Variants in COG5 observed in about 807,000 individuals in gnomAD.
The protein encoded by COG5 is conserved oligomeric Golgi complex subunit 5.
Under a neutral mutation model 110.4 loss-of-function variants are expected in COG5, and 86 were observed. That is an observed-to-expected ratio of 0.78 (90% CI 0.65 to 0.93). The LOEUF (loss-of-function observed/expected upper bound fraction) is 0.93. Ranked by LOEUF, COG5 falls within the 40% of genes least tolerant of loss-of-function variation. The probability of loss-of-function intolerance (pLI) is 0.00; values close to 1 mark genes in which losing one functional copy is unlikely to be tolerated. For missense variants in COG5, 1,077 were observed against 987.0 expected (o/e 1.09, Z -1.22); for synonymous variants, 360 against 334.6 (o/e 1.08, Z -0.83).
chr7:107,467,460 G>A (rs573372566), intron 6 of COG5, among the ~76,000 whole-genome samples: 88 of 152,208 alleles, frequency 5.8e-4, no homozygotes, highest in African/African-American at 1.9e-3. Context: ...AGGTTCAAGC[G>A]ATTCTCATTC....
intron 17 of COG5, among the ~76,000 whole-genome samples, chr7:107,243,656 T>C (rs779688175): frequency 2.6e-5 from 4 of 151,900 alleles, no homozygotes; most frequent in Admixed American, 6.6e-5. Context: ...AAATGCAACA[T>C]TGGACCAAAT....
At chr7:107,327,532 G>T (rs989552709) in intron 10 of COG5, among the ~76,000 whole-genome samples, 1 of 152,076 alleles carries the variant, frequency 6.6e-6, no homozygotes, top group East Asian at 1.9e-4. Context: ...GAAAACATTT[G>T]CTAACCATAT....
At chr7:107,275,705 G>C (rs1804652119) in intron 14 of COG5, among the ~76,000 whole-genome samples, 1 of 151,812 alleles carries the variant, frequency 6.6e-6, no homozygotes, top group Non-Finnish European at 1.5e-5. Flanking sequence ...TGTACTTTTA[G>C]TAGAGATGAG....
At chr7:107,232,298 T>C (rs767804599) in intron 18 of COG5, among the ~76,000 whole-genome samples, 2 of 152,206 alleles carry the variant, frequency 1.3e-5, no homozygotes, top group African/African-American at 4.8e-5. Flanking sequence ...ATTCACTGGG[T>C]AGGAATTTCT....
intron 10 of COG5, among the ~76,000 whole-genome samples, chr7:107,338,873 G>C (rs1810935195): frequency 6.6e-6 from 1 of 152,034 alleles, no homozygotes; most frequent in African/African-American, 2.4e-5. Context: ...ATCCTTAAGG[G>C]AGTTCTAACC....
intron 5 of COG5, among the ~76,000 whole-genome samples, chr7:107,528,733 T>C (rs1002101900): frequency 5.9e-5 from 9 of 152,124 alleles, no homozygotes; most frequent in Non-Finnish European, 1.2e-4. Context: ...ACATCTCCCC[T>C]GTTTAAGGAG....
At chr7:107,352,616 G>GGATGTCCTAAATTTC (rs1812263112) in intron 10 of COG5, among the ~76,000 whole-genome samples, 1 of 150,972 alleles carries the variant, frequency 6.6e-6, no homozygotes, top group Admixed American at 6.6e-5. Flanking sequence ...TCATAATATT[G>GGATGTCCTAAATTTC]AAAAGATTTC....
chr7:107,333,424 A>C (rs1470942054), intron 10 of COG5, among the ~76,000 whole-genome samples: 2 of 152,178 alleles, frequency 1.3e-5, no homozygotes. Context: ...CACACACTAC[A>C]GAGCAAAATA....
chr7:107,359,320 C>T (rs902644585), intron 10 of COG5, among the ~76,000 whole-genome samples: 1 of 152,210 alleles, frequency 6.6e-6, no homozygotes, highest in Non-Finnish European at 1.5e-5. Flanking sequence ...CAGGGCAGCA[C>T]ACCAGCCCTC....
chr7:107,547,732 C>T (rs1001381374), intron 5 of COG5, among the ~76,000 whole-genome samples: 1 of 151,812 alleles, frequency 6.6e-6, no homozygotes, highest in Non-Finnish European at 1.5e-5. Context: ...TATACACTAA[C>T]AATGAACTAT....
intron 1 of COG5, among the ~76,000 whole-genome samples, chr7:107,559,421 G>A (rs757647441): frequency 1.3e-4 from 20 of 152,120 alleles, no homozygotes; most frequent in Non-Finnish European, 2.6e-4. Flanking sequence ...ACAAAATAGA[G>A]TACTTTTAAG....
chr7:107,303,780 T>C (rs1024377966), intron 11 of COG5, among the ~76,000 whole-genome samples: 1 of 152,166 alleles, frequency 6.6e-6, no homozygotes, highest in Non-Finnish European at 1.5e-5. Context: ...TATGTAGTTA[T>C]AAAGTGTTCA....
chr7:107,417,841 C>T (rs556063326), intron 6 of COG5, among the ~76,000 whole-genome samples: 8 of 152,058 alleles, frequency 5.3e-5, no homozygotes, highest in Admixed American at 2.0e-4. Flanking sequence ...ATTTTTGCTC[C>T]CTTTTTGTCT....
intron 6 of COG5, among the ~76,000 whole-genome samples, chr7:107,423,535 G>C (rs1257567976): frequency 2.0e-5 from 3 of 151,952 alleles, no homozygotes; most frequent in African/African-American, 7.3e-5. Flanking sequence ...CAATGAGAGA[G>C]GGAACATTTC....
At position 107,480,455 on chromosome 7, in the gene COG5, T is replaced by C. The variant is rs535585235; in HGVS notation, c.538+46782A>G. 5.3e-5 allele frequency among the ~76,000 whole-genome samples: 8 copies of C among 152,118 alleles called. No homozygotes were observed. The East Asian group carries it at 1.5e-3, about 29-fold the overall frequency. ...AGAAAGTTAAAAATGAGTTGACCAA[T>C]AATAAATGTTAGAAATTTTAAAAGT... On this transcript the variant is annotated intron_variant, in intron 6 of 21. Transcript: ENST00000297135.
intron 11 of COG5, among the ~76,000 whole-genome samples, chr7:107,302,449 T>C (rs145894988): frequency 6.6e-6 from 1 of 152,302 alleles, no homozygotes; most frequent in African/African-American, 2.4e-5. Context: ...CACTGATTGA[T>C]TATTGTGATG....
chr7:107,356,824 G>T (rs536292614), intron 10 of COG5, among the ~76,000 whole-genome samples: 1 of 151,952 alleles, frequency 6.6e-6, no homozygotes, highest in Non-Finnish European at 1.5e-5. Context: ...TTATTCACAG[G>T]TGTAAAAGGC....
chr7:107,440,758 G>C (rs1234691267), intron 6 of COG5, among the ~76,000 whole-genome samples: 6 of 152,164 alleles, frequency 3.9e-5, no homozygotes, highest in Admixed American at 3.9e-4. Context: ...GAGAAATTCT[G>C]AGTTGATGAA....
intron 6 of COG5, among the ~76,000 whole-genome samples, chr7:107,455,953 C>A (rs1440904761): frequency 6.6e-6 from 1 of 152,156 alleles, no homozygotes; most frequent in Admixed American, 6.5e-5. Context: ...ACCACCACAC[C>A]TGGCTAATTT....
Sources: allele counts gnomAD v4.1 joint callset (sites outside exome capture counted in the v4.1 genomes callset), GRCh38; gene constraint gnomAD v4.1.1; transcripts MANE v1.5; gene names NCBI Gene and HGNC (gene_info 2026-07-23, HGNC 2026-07-21).